The following OCA2 variants were observed in gnomAD, a reference collection of about 807,000 sequenced individuals.
OCA2 encodes the protein P protein.
A neutral mutation model predicts 100.2 loss-of-function variants in OCA2; 77 were observed. The observed-to-expected ratio is 0.77, with a 90% CI of 0.64 to 0.93. OCA2 has a LOEUF of 0.93. Among genes scored for constraint, OCA2 ranks in the 40% least tolerant of loss-of-function variants. The pLI, the probability that OCA2 is intolerant of heterozygous loss-of-function variation, is 0.00. For missense variants in OCA2, 1,062 were observed against 1,089.1 expected (o/e 0.98, Z 0.35); for synonymous variants, 432 against 439.2 (o/e 0.98, Z 0.21).
chr15:28,097,433 A>G (rs1186455658), intron 1 of OCA2, among the ~76,000 whole-genome samples: 1 of 152,236 alleles, frequency 6.6e-6, no homozygotes, highest in African/African-American at 2.4e-5. Context: ...CATTTCCAGC[A>G]TATGGAGAAT....
intron 23 of OCA2, among the ~76,000 whole-genome samples, chr15:27,823,475 A>G (rs2151280546): frequency 6.6e-6 from 1 of 152,334 alleles, no homozygotes; most frequent in African/African-American, 2.4e-5. Flanking sequence ...ATTTTCCCGA[A>G]ATAATAAATC....
At chr15:28,068,694 C>A (rs991444391) in intron 2 of OCA2, among the ~76,000 whole-genome samples, 1 of 152,174 alleles carries the variant, frequency 6.6e-6, no homozygotes, top group Admixed American at 6.5e-5. Context: ...AAGTCCTCGA[C>A]AAAATACTAG....
chr15:28,031,198 T>C (rs1378646168), intron 3 of OCA2, among the ~76,000 whole-genome samples: 1 of 152,220 alleles, frequency 6.6e-6, no homozygotes, highest in African/African-American at 2.4e-5. Context: ...TGGATAAGAA[T>C]AAGACCTTAA....
At chr15:28,027,118 G>A (rs1452089232) in intron 4 of OCA2, among the ~76,000 whole-genome samples, 1 of 152,208 alleles carries the variant, frequency 6.6e-6, no homozygotes, top group East Asian at 1.9e-4. Context: ...TCAAATGAAC[G>A]GGCGCATGGG....
rs139743429 is a variant in OCA2, at chr15:28,014,818, C to T, written c.1002G>A (p.Ala334=). The T allele has an allele frequency of 3.1e-6, 5 of 1,614,016 alleles. No homozygotes were observed. Among genetic ancestry groups the T allele is most frequent in the African/African-American group, 1.3e-5 (1 of 75,010 alleles). ...CGTAGACGCCCGCGAGGATGGCCGT[C>T]GCGATGGTCACCTGGGTTTCTACAC... ...RGSVETQVTI[A]TAILAGVYAL... is the part of the protein sequence containing the mutation. The change falls in exon 9 of 24, where the codon GCG becomes GCA. Residue 334 remains alanine (A), a synonymous_variant. Coordinates refer to ENST00000354638, the MANE Select transcript of OCA2 (RefSeq NM_000275.3).
At chr15:28,078,138 G>A (rs2044494363) in intron 2 of OCA2, among the ~76,000 whole-genome samples, 2 of 152,220 alleles carry the variant, frequency 1.3e-5, no homozygotes, top group Non-Finnish European at 2.9e-5. Flanking sequence ...TACTTCTAGG[G>A]AAAAGAGTTA....
chr15:27,792,132 A>T (rs762936892), intron 23 of OCA2, among the ~76,000 whole-genome samples: 3 of 152,216 alleles, frequency 2.0e-5, no homozygotes, highest in Admixed American at 6.5e-5. Context: ...AGACACCAAT[A>T]CCCAAAAAGA....
At chr15:27,748,048 TA>T in the OCA2 span, among the ~76,000 whole-genome samples, 4 of 152,192 alleles carry the variant, frequency 2.6e-5, no homozygotes, top group East Asian at 7.7e-4. Context: ...CCAGCCTAGC[TA>T]CAGAAGACAG....
chr15:27,999,847 A>G lies in OCA2; in HGVS notation c.1045-9200T>C, dbSNP rs2041872301. On this transcript the variant is annotated intron_variant, in intron 9 of 23. Coordinates refer to ENST00000354638, the MANE Select transcript of OCA2 (RefSeq NM_000275.3). ...CTAACAATGTACTATCCGAAAAAGA[A>G]AGAAAATAATCCCATCTATAATAGC... Among the ~76,000 whole-genome samples, 4 of 152,340 alleles carry G rather than the reference A, an allele frequency of 2.6e-5. No individual in the cohort carries two copies. In the South Asian group the frequency reaches 8.3e-4, roughly 32 times the overall value.
chr15:27,863,115 T>C (rs567674546), intron 21 of OCA2, among the ~76,000 whole-genome samples: 6 of 151,896 alleles, frequency 4.0e-5, no homozygotes, highest in Non-Finnish European at 8.8e-5. Context: ...AGAGGCCCCC[T>C]GAGGCTGCAA....
At chr15:27,753,844 G>T (rs2030163728), downstream of OCA2, among the ~76,000 whole-genome samples, 1 of 152,148 alleles carries the variant, frequency 6.6e-6, no homozygotes, top group African/African-American at 2.4e-5. Context: ...TGGGAGATGG[G>T]GCCTGAGCAT....
At chr15:27,811,504 A>G (rs1595450354) in intron 23 of OCA2, among the ~76,000 whole-genome samples, 1 of 152,054 alleles carries the variant, frequency 6.6e-6, no homozygotes, top group South Asian at 2.1e-4. Context: ...TACTCCCAAA[A>G]GCTATTGAAA....
At chr15:27,722,763 TTC>T in the OCA2 span, among the ~76,000 whole-genome samples, 1 of 143,508 alleles carries the variant, frequency 7.0e-6, no homozygotes, top group East Asian at 2.1e-4. Flanking sequence ...TTTCCTTCCT[TTC>T]TTTCTTTTCT....
chr15:27,785,101 C>T (rs2032743388), intron 23 of OCA2, among the ~76,000 whole-genome samples: 1 of 152,100 alleles, frequency 6.6e-6, no homozygotes, highest in South Asian at 2.1e-4. Context: ...ACATTACATA[C>T]AGAAAAACAC....
intron 21 of OCA2, among the ~76,000 whole-genome samples, chr15:27,859,058 A>C (rs915014101): frequency 6.6e-6 from 1 of 152,132 alleles, no homozygotes; most frequent in Non-Finnish European, 1.5e-5. Flanking sequence ...CTATAAATGC[A>C]TATATTATAA....
chr15:27,858,618 T>C (rs1567030207), intron 21 of OCA2, among the ~76,000 whole-genome samples: 1 of 152,004 alleles, frequency 6.6e-6, no homozygotes, highest in Admixed American at 6.6e-5. Context: ...AGAATAACAT[T>C]ATATATTTAT....
At chr15:27,886,459 T>C (rs2037226878) in intron 19 of OCA2, among the ~76,000 whole-genome samples, 1 of 152,188 alleles carries the variant, frequency 6.6e-6, no homozygotes, top group African/African-American at 2.4e-5. Flanking sequence ...ATTCCTACTA[T>C]TTATAATGGC....
At chr15:27,785,761 A>G (rs1019831148) in intron 23 of OCA2, among the ~76,000 whole-genome samples, 12 of 152,204 alleles carry the variant, frequency 7.9e-5, no homozygotes, top group African/African-American at 2.4e-4. Context: ...AGTGAAATGA[A>G]AGCAGGGACT....
At chr15:27,798,990 G>A (rs1369336420) in intron 23 of OCA2, among the ~76,000 whole-genome samples, 1 of 152,214 alleles carries the variant, frequency 6.6e-6, no homozygotes, top group African/African-American at 2.4e-5. Context: ...GCTGCAGGTT[G>A]AGAGATCTGC....
Sources: allele counts gnomAD v4.1 joint callset (sites outside exome capture counted in the v4.1 genomes callset), GRCh38; gene constraint gnomAD v4.1.1; transcripts MANE v1.5; gene names NCBI Gene and HGNC (gene_info 2026-07-23, HGNC 2026-07-21).